The following PCMTD2 variants were observed in gnomAD, a reference collection of about 807,000 sequenced individuals.
PCMTD2 encodes protein-L-isoaspartate (D-aspartate) O-methyltransferase domain containing 2.
Under a neutral mutation model 33.4 loss-of-function variants are expected in PCMTD2, and 16 were observed. That is an observed-to-expected ratio of 0.48 (90% CI 0.32 to 0.73). The LOEUF is 0.73. PCMTD2 is among the 30% of genes least tolerant of loss of function. PCMTD2 has a pLI of 0.03. For synonymous variants in PCMTD2, 161 were observed against 160.8 expected (o/e 1.00, Z -0.01); for missense variants, 374 against 449.9 (o/e 0.83, Z 1.53).
intron 2 of PCMTD2, among the ~76,000 whole-genome samples, chr20:64,263,762 C>T (rs963620443): frequency 6.6e-6 from 1 of 152,124 alleles, no homozygotes; most frequent in African/African-American, 2.4e-5. Flanking sequence ...AGGTGATGAC[C>T]GTTTTGCCTT....
chr20:64,259,956 A>T lies in PCMTD2; in HGVS notation c.-10A>T. The T allele has an allele frequency of 2.5e-6, 4 of 1,587,530 alleles. No individual in the cohort carries two copies. Among genetic ancestry groups the T allele is most frequent in the Non-Finnish European group, 2.6e-6 (3 of 1,157,032 alleles). On this transcript the variant is annotated 5_prime_UTR_variant, in exon 2 of 6. Coordinates refer to ENST00000308824, the MANE Select transcript of PCMTD2 (RefSeq NM_018257.3). ...TTTAATTATAGTATTGCCTAAGTGT[A>T]ATCTTGAACATGGGCGGTGCTGTGA...
chr20:64,266,248 A>C (rs6011375), intron 4 of PCMTD2, among the ~76,000 whole-genome samples: 3,367 of 149,976 alleles, frequency 0.022, 135 homozygotes, highest in African/African-American at 0.079. Context: ...TTATTTTTTA[A>C]ATATTTATTT....
chr20:64,265,654 C>T, intron 4 of PCMTD2: 1 of 400,826 alleles, frequency 2.5e-6, no homozygotes, highest in Non-Finnish European at 4.4e-6. Flanking sequence ...CTTTTCTCCA[C>T]CTTCCTTCTC....
chr20:64,255,989 C>G (rs1228829714), intron 1 of PCMTD2, 119 bp downstream of exon 1: 1 of 152,022 alleles, frequency 6.6e-6, no homozygotes, highest in South Asian at 2.1e-4. Flanking sequence ...CCGGAGCTCT[C>G]CTCTGGGGGC....
intron 5 of PCMTD2, among the ~76,000 whole-genome samples, chr20:64,270,572 G>GAT (rs1187027942): frequency 6.6e-6 from 1 of 152,146 alleles, no homozygotes; most frequent in Non-Finnish European, 1.5e-5. Context: ...TGTGAGTGAA[G>GAT]ATATGTGTGG....
At chr20:64,260,402 T>G in intron 2 of PCMTD2, 130 bp downstream of exon 2, 1 of 657,366 alleles carries the variant, frequency 1.5e-6, no homozygotes, top group East Asian at 2.6e-5. Flanking sequence ...TATCTGACAT[T>G]GACACATCAC....
At position 64,273,713 on chromosome 20, in the gene PCMTD2, T is replaced by A. The variant is rs759333881; in HGVS notation, c.*113T>A. 55 of 835,584 alleles carry A rather than the reference T, an allele frequency of 6.6e-5. No individual in the cohort carries two copies. Among genetic ancestry groups the A allele is most frequent in the Non-Finnish European group, 9.1e-5 (50 of 547,086 alleles). 51.8% of individuals were successfully genotyped at this position (835,584 alleles called of 1,614,324 possible). Reference sequence around the variant, plus strand: ...AGGCAGACGTTGTGGGGAAGGGAACTGCTGGGCTCATCCACACCATGGTTT... The same window carrying A: ...AGGCAGACGTTGTGGGGAAGGGAACAGCTGGGCTCATCCACACCATGGTTT... On this transcript the variant is annotated 3_prime_UTR_variant, in exon 6 of 6. Coordinates refer to ENST00000308824, the MANE Select transcript of PCMTD2 (RefSeq NM_018257.3).
intron 1 of PCMTD2, among the ~76,000 whole-genome samples, chr20:64,259,582 G>C (rs1985314511): frequency 6.6e-6 from 1 of 151,862 alleles, no homozygotes; most frequent in Non-Finnish European, 1.5e-5. Context: ...TAGAGACGGG[G>C]TTTCACCATG....
chr20:64,261,386 C>T (rs6062357), intron 2 of PCMTD2, among the ~76,000 whole-genome samples: 66,382 of 151,944 alleles, frequency 0.44, 15,063 homozygotes, highest in Middle Eastern at 0.49. Context: ...ACAGGATTTA[C>T]GGGTGGACTG....
At chr20:64,261,421 G>A (rs1369598976) in intron 2 of PCMTD2, among the ~76,000 whole-genome samples, 4 of 152,116 alleles carry the variant, frequency 2.6e-5, no homozygotes, top group Non-Finnish European at 5.9e-5. Flanking sequence ...AGAAACGTCA[G>A]GAATGTGGCT....
At chr20:64,268,699 G>C (rs1985759096) in intron 5 of PCMTD2, among the ~76,000 whole-genome samples, 1 of 149,776 alleles carries the variant, frequency 6.7e-6, no homozygotes, top group Admixed American at 6.6e-5. Context: ...AAAATAATAG[G>C]AAGGGAAAAG....
chr20:64,261,180 A>ACATCACT (rs981520801), intron 2 of PCMTD2, among the ~76,000 whole-genome samples: 2 of 152,150 alleles, frequency 1.3e-5, no homozygotes, highest in Non-Finnish European at 2.9e-5. Flanking sequence ...TTGGTGCCAA[A>ACATCACT]TGCTGTGAGG....
intron 2 of PCMTD2, among the ~76,000 whole-genome samples, chr20:64,262,054 A>G (rs918799977): frequency 1.3e-5 from 2 of 152,140 alleles, no homozygotes; most frequent in East Asian, 3.9e-4. Flanking sequence ...GGAGTTCAAG[A>G]CCAACCTGGC....
At chr20:64,269,326 CG>C (rs1985788755) in intron 5 of PCMTD2, among the ~76,000 whole-genome samples, 1 of 152,114 alleles carries the variant, frequency 6.6e-6, no homozygotes. Flanking sequence ...GGGGCATCTT[CG>C]GGGTATTTAT....
Position 64,273,525 on chromosome 20 carries a change from C to G in PCMTD2, c.1011C>G (p.Phe337Leu), listed in dbSNP as rs1315693851. Reference sequence around the variant, plus strand: ...CAAAGCCAGACCCCCCAGTGAACTTCCTACGCCAGAAGGTCCTGAGCCTCC... The same window carrying G: ...CAAAGCCAGACCCCCCAGTGAACTTGCTACGCCAGAAGGTCCTGAGCCTCC... Reference protein sequence around the residue: ...PETKPDPPVNFLRQKVLSLPL... With the variant: ...PETKPDPPVNLLRQKVLSLPL... Residue 337 changes from phenylalanine to leucine, a missense_variant, in exon 6 of 6, where the codon TTC becomes TTG. By Grantham distance (22) the Phe-to-Leu change is conservative (BLOSUM62 0). Coordinates refer to ENST00000308824, the MANE Select transcript of PCMTD2 (RefSeq NM_018257.3). 6.3e-7 allele frequency: 1 copy of G among 1,582,440 alleles called. No homozygotes were observed. The highest frequency in any genetic ancestry group is 1.4e-5 in the African/African-American group (1 of 73,044).
At chr20:64,267,370 A>C (rs1022958507) in intron 4 of PCMTD2, among the ~76,000 whole-genome samples, 1 of 152,250 alleles carries the variant, frequency 6.6e-6, no homozygotes, top group African/African-American at 2.4e-5. Flanking sequence ...CAGGCATCCA[A>C]GATGACAAGT....
rs759068648 is a variant in PCMTD2, at chr20:64,264,541, A to G, written c.410+10A>G. On this transcript the variant is annotated intron_variant, in intron 3 of 5. Coordinates refer to ENST00000308824, the MANE Select transcript of PCMTD2 (RefSeq NM_018257.3). ...GTGATAGTTTTGACAAGTAAGATGA[A>G]ATACTATCCATTGGCTCAGATGATG... 3 of 1,308,118 alleles carry G rather than the reference A, an allele frequency of 2.3e-6. No individual in the cohort carries two copies. In the African/African-American group the frequency reaches 4.3e-5, roughly 19 times the overall value. 81.0% of individuals were successfully genotyped at this position (1,308,118 alleles called of 1,614,324 possible). A position where few individuals can be genotyped will look rare whatever the true frequency, so the allele number is the denominator to read the frequency against.
chr20:64,273,120 T>G lies in PCMTD2; in HGVS notation c.707-101T>G. 3.3e-6 allele frequency: 3 copies of G among 911,026 alleles called. No homozygotes were observed. In the South Asian group the frequency reaches 5.0e-5, roughly 15 times the overall value. The allele number at this position is 911,026 out of a possible 1,614,324, so 56.4% of individuals were successfully genotyped here. On this transcript the variant is annotated intron_variant, in intron 5 of 5. Transcript: ENST00000308824. ...ATATTCTTGTAACATATTCATAAAT[T>G]TGCCAGTTAATTGAAATGATGCTAC...
intron 3 of PCMTD2, 112 bp from the exon 4 acceptor site, chr20:64,265,146 G>A (rs999972255): frequency 3.0e-6 from 2 of 671,522 alleles, no homozygotes; most frequent in Non-Finnish European, 4.9e-6. Flanking sequence ...TCCTCACACT[G>A]TAAACTGTGT....
Sources: allele counts gnomAD v4.1 joint callset (sites outside exome capture counted in the v4.1 genomes callset), GRCh38; gene constraint gnomAD v4.1.1; transcripts MANE v1.5; gene names NCBI Gene and HGNC (gene_info 2026-07-23, HGNC 2026-07-21).